The following BMPER variants were observed in gnomAD, a reference collection of about 807,000 sequenced individuals.
BMPER encodes the protein BMP-binding endothelial regulator protein.
A neutral mutation model predicts 87.3 loss-of-function variants in BMPER; 45 were observed. The ratio of observed to expected loss-of-function variants is 0.52; its 90% CI spans 0.41 to 0.66. BMPER has a LOEUF of 0.66. BMPER is among the 30% of genes least tolerant of loss of function. The pLI is 0.00. For missense variants in BMPER, 784 were observed against 867.5 expected (o/e 0.90, Z 1.21); for synonymous variants, 326 against 316.2 (o/e 1.03, Z -0.33).
intron 3 of BMPER, among the ~76,000 whole-genome samples, chr7:33,950,320 A>G (rs901149010): frequency 6.6e-6 from 1 of 152,206 alleles, no homozygotes; most frequent in Non-Finnish European, 1.5e-5. Context: ...TCCCAGCCTC[A>G]CAGAGCTTCC....
chr7:34,090,577 A>G (rs1789352994), intron 13 of BMPER, among the ~76,000 whole-genome samples: 1 of 152,202 alleles, frequency 6.6e-6, no homozygotes, highest in Non-Finnish European at 1.5e-5. Flanking sequence ...GGGCACAACG[A>G]GAGGCCAGGA....
intron 2 of BMPER, among the ~76,000 whole-genome samples, chr7:33,925,954 A>G (rs1206519121): frequency 6.6e-6 from 1 of 152,218 alleles, no homozygotes; most frequent in African/African-American, 2.4e-5. Context: ...AGTTTGTGGC[A>G]GTGGAATTTG....
chr7:34,058,607 C>T (rs1221377510), intron 10 of BMPER, among the ~76,000 whole-genome samples: 2 of 152,220 alleles, frequency 1.3e-5, no homozygotes, highest in African/African-American at 2.4e-5. Context: ...ACGGCATCCC[C>T]GATTTCTTTG....
chr7:33,994,212 C>A (rs1369639012), intron 6 of BMPER, among the ~76,000 whole-genome samples: 1 of 152,234 alleles, frequency 6.6e-6, no homozygotes, highest in Non-Finnish European at 1.5e-5. Context: ...GGCGCCCCTC[C>A]CCCAGCCTCG....
chr7:34,124,220 G>T (rs1198587085), intron 13 of BMPER, among the ~76,000 whole-genome samples: 1 of 152,122 alleles, frequency 6.6e-6, no homozygotes, highest in African/African-American at 2.4e-5. Context: ...CTCCCATGAT[G>T]AACTAATGTA....
chr7:34,133,030 A>C (rs1256273325), intron 13 of BMPER, among the ~76,000 whole-genome samples: 5 of 152,180 alleles, frequency 3.3e-5, no homozygotes, highest in African/African-American at 1.2e-4. Flanking sequence ...AGAGCTCCTA[A>C]GACCTTTGCA....
chr7:34,060,826 A>C (rs996782705), intron 10 of BMPER, among the ~76,000 whole-genome samples: 1 of 152,196 alleles, frequency 6.6e-6, no homozygotes, highest in African/African-American at 2.4e-5. Context: ...GTTATTGTGA[A>C]ATTTAAATGA....
At chr7:34,099,770 G>A (rs577457470) in intron 13 of BMPER, among the ~76,000 whole-genome samples, 1 of 152,128 alleles carries the variant, frequency 6.6e-6, no homozygotes, top group South Asian at 2.1e-4. Flanking sequence ...TTGCTTTCAA[G>A]GACCACTTAG....
chr7:34,077,223 A>G (rs961908494), intron 11 of BMPER, among the ~76,000 whole-genome samples: 1 of 152,192 alleles, frequency 6.6e-6, no homozygotes, highest in Non-Finnish European at 1.5e-5. Context: ...TTTGGAAGTA[A>G]TCACATGGAG....
chr7:34,152,855 A>G (rs1791212047), intron 14 of BMPER, among the ~76,000 whole-genome samples: 1 of 152,130 alleles, frequency 6.6e-6, no homozygotes, highest in Non-Finnish European at 1.5e-5. Flanking sequence ...TATCTTATCT[A>G]AGAATAAGAT....
intron 2 of BMPER, among the ~76,000 whole-genome samples, chr7:33,916,701 C>T (rs1404944838): frequency 3.3e-5 from 5 of 152,120 alleles, no homozygotes; most frequent in Admixed American, 2.6e-4. Context: ...GTGAGTTGGG[C>T]GAATTCACGT....
chr7:33,940,892 G>T (rs1784737629), intron 3 of BMPER, among the ~76,000 whole-genome samples: 4 of 129,126 alleles, frequency 3.1e-5, no homozygotes, highest in African/African-American at 3.3e-5. Context: ...ATATATAATA[G>T]AATTTATATA....
chr7:34,153,221 T>A lies in BMPER; in HGVS notation c.2006T>A (p.Leu669Ter). The part of the protein sequence containing the change: ...CVAGCHCPAN[L>*]VLHKGRCIKP... Reference sequence around the variant, plus strand: ...GCTGGGTGCCACTGTCCAGCAAACTTGGTCCTTCACAAGGGAAGGTGCATC... The same window carrying A: ...GCTGGGTGCCACTGTCCAGCAAACTAGGTCCTTCACAAGGGAAGGTGCATC... Residue 669 changes from leucine to a stop codon, truncating the protein, a stop_gained, in exon 15 of 15, where the codon TTG becomes TAG. Coordinates refer to ENST00000649409, the MANE Select transcript of BMPER (RefSeq NM_001365308.1). LOFTEE classifies it high-confidence loss of function. The A allele has an allele frequency of 6.2e-6, 10 of 1,614,134 alleles. No homozygotes were observed. The highest frequency in any genetic ancestry group is 8.5e-6 in the Non-Finnish European group (10 of 1,180,000).
intron 6 of BMPER, among the ~76,000 whole-genome samples, chr7:34,039,603 T>TACACACACACACAC (rs56214614): frequency 4.2e-5 from 6 of 142,576 alleles, no homozygotes; most frequent in East Asian, 4.3e-4. Flanking sequence ...GACACACAAA[T>TACACACACACACAC]ACACACACAC....
chr7:33,945,380 A>G (rs561747851), intron 3 of BMPER, among the ~76,000 whole-genome samples: 1 of 150,524 alleles, frequency 6.6e-6, no homozygotes, highest in East Asian at 2.0e-4. Context: ...CCTCCTAAGC[A>G]GCTGGAATTA....
At chr7:34,031,917 TATATATATATAC>T (rs1207433453) in intron 6 of BMPER, among the ~76,000 whole-genome samples, 12 of 124,184 alleles carry the variant, frequency 9.7e-5, no homozygotes, top group African/African-American at 2.7e-4. Flanking sequence ...TATATATATA[TATATATATATAC>T]ACACACACAC....
chr7:34,008,921 A>G (rs1786807832), intron 6 of BMPER, among the ~76,000 whole-genome samples: 1 of 151,930 alleles, frequency 6.6e-6, no homozygotes, highest in Non-Finnish European at 1.5e-5. Context: ...AGCTCACTGT[A>G]ACATTGAACT....
chr7:34,137,304 A>G (rs934866764), intron 13 of BMPER, among the ~76,000 whole-genome samples: 2 of 152,236 alleles, frequency 1.3e-5, no homozygotes, highest in Non-Finnish European at 2.9e-5. Flanking sequence ...GTTATGGCCA[A>G]CAGCTCCCGT....
intron 6 of BMPER, among the ~76,000 whole-genome samples, chr7:34,030,471 A>G (rs758713798): frequency 2.6e-5 from 4 of 152,284 alleles, no homozygotes; most frequent in East Asian, 1.9e-4. Flanking sequence ...AAAGCCGTCA[A>G]TGAAGGAACC....
Sources: allele counts gnomAD v4.1 joint callset (sites outside exome capture counted in the v4.1 genomes callset), GRCh38; gene constraint gnomAD v4.1.1; transcripts MANE v1.5; gene names NCBI Gene and HGNC (gene_info 2026-07-23, HGNC 2026-07-21).